The following SCRT2 variants were observed in gnomAD, a reference collection of about 807,000 sequenced individuals.
SCRT2 encodes the protein transcriptional repressor scratch 2.
In SCRT2, 2 loss-of-function variants were observed where a neutral mutation model predicts 3.7. The observed-to-expected ratio is 0.54, with a 90% CI of 0.22 to 1.70. SCRT2 has a LOEUF of 1.70. SCRT2 is among the 40% of genes most tolerant of loss of function. The probability of loss-of-function intolerance (pLI) is 0.19; values close to 1 mark genes in which losing one functional copy is unlikely to be tolerated. For missense variants in SCRT2, 456 were observed against 468.5 expected, an observed-to-expected ratio of 0.97 and a Z score of 0.25; for synonymous variants, 256 against 220.6, an observed-to-expected ratio of 1.16 and a Z score of -1.42.
rs778909173 is a variant in SCRT2 at position 663,866 on chromosome 20, C to G, written c.729G>C (p.Ala243=). The change falls in exon 2 of 2, where the codon GCG becomes GCC. Residue 243 remains alanine (A), a synonymous_variant. Coordinates refer to ENST00000246104, the MANE Select transcript of SCRT2 (RefSeq NM_033129.4). The surrounding 1 kb of genome is among the most constrained non-coding windows in gnomAD (Gnocchi z 6.9). ...SHTGEKPFGC[A]HCGKAFADRS... ...GGTCGGCGAAGGCCTTGCCGCAGTG[C>G]GCGCAGCCGAACGGCTTTTCGCCGG... The G allele has an allele frequency of 6.3e-7, 1 of 1,598,146 alleles. No individual in the cohort carries two copies. Among genetic ancestry groups the G allele is most frequent in the African/African-American group, 1.3e-5 (1 of 74,686 alleles).
At position 675,137 on chromosome 20, in the gene SCRT2, C is replaced by A. The variant is rs2122364615; in HGVS notation, c.133+332G>T. Among the ~76,000 whole-genome samples, 1 of 152,282 alleles carries A rather than the reference C, an allele frequency of 6.6e-6. No homozygotes were observed. Among genetic ancestry groups the A allele is most frequent in the South Asian group, 2.1e-4 (1 of 4,824 alleles). ...GAGGGAACCCTCAAAGTGCCTTGTG[C>A]CTCAGTGCCCAGCGCTGGCCTTTCA... is the stretch of plus-strand genomic sequence containing the variant. On this transcript the variant is annotated intron_variant, in intron 1 of 1. Coordinates refer to ENST00000246104, the MANE Select transcript of SCRT2 (RefSeq NM_033129.4). The surrounding 1 kb of genome is among the most constrained non-coding windows in gnomAD (Gnocchi z 6.9).
Position 675,759 on chromosome 20 carries a change from G to C in SCRT2, c.-158C>G, listed in dbSNP as rs986242810. ...TGGCGGCGGCCCCGGCTCGGGCTCGGGCTTGGCGGCGGCGGCGCGCAGACA... is the reference window on the plus strand; with the variant it reads ...TGGCGGCGGCCCCGGCTCGGGCTCGCGCTTGGCGGCGGCGGCGCGCAGACA... On this transcript the variant is annotated 5_prime_UTR_variant, in exon 1 of 2. Coordinates refer to ENST00000246104, the MANE Select transcript of SCRT2 (RefSeq NM_033129.4). This position sits in a 1 kb window ranked among gnomAD's most constrained non-coding sequence, Gnocchi z 6.9. 4 of 305,306 alleles carry C rather than the reference G, an allele frequency of 1.3e-5. No individual in the cohort carries two copies. The highest frequency in any genetic ancestry group is 9.0e-5 in the African/African-American group (4 of 44,394). The allele number at this position is 305,306 out of a possible 1,614,324, so 18.9% of individuals were successfully genotyped here. A position where few individuals can be genotyped will look rare whatever the true frequency, so the allele number is the denominator to read the frequency against.
At chr20:671,634 A>G (rs911426042) in intron 1 of SCRT2, among the ~76,000 whole-genome samples, 2 of 152,220 alleles carry the variant, frequency 1.3e-5, no homozygotes, top group South Asian at 2.1e-4. Context: ...ACCCGGCACC[A>G]TCAGAGGGAG....
At chr20:670,460 G>A (rs985816611) in intron 1 of SCRT2, among the ~76,000 whole-genome samples, 3 of 81,950 alleles carry the variant, frequency 3.7e-5, no homozygotes, top group African/African-American at 8.8e-5. Context: ...CAAGAGGCCC[G>A]AGGGACCCCA....
rs778624633 is a variant in SCRT2, at chr20:663,747, A to G, written c.848T>C (p.Leu283Pro). The G allele has an allele frequency of 1.9e-6, 3 of 1,570,542 alleles. No individual in the cohort carries two copies. Among genetic ancestry groups the G allele is most frequent in the Non-Finnish European group, 2.6e-6 (3 of 1,160,964 alleles). ...CDKSFALKSY[L>P]HKHCEAACAK... ...GCAGGCCGCCTCGCAGTGCTTGTGG[A>G]GGTAGGACTTGAGCGCGAAGCTCTT... The change falls in exon 2 of 2, where the codon CTC (leucine) becomes CCC (proline). Residue 283 changes from leucine (L) to proline (P), a missense_variant. By Grantham distance (98) the Leu-to-Pro change is moderately conservative. Transcript: ENST00000246104. This position sits in a 1 kb window ranked among gnomAD's most constrained non-coding sequence, Gnocchi z 6.9.
In SCRT2 at chr20:662,338, AG is replaced by A. The variant is rs907608540; in HGVS notation, c.*1332del. ...CTCTCTCCGGGCCGCCTGGAGTGGC[AG>A]GGGAAGGTTCAGGAAGGTGGGGACC... On this transcript the variant is annotated 3_prime_UTR_variant, in exon 2 of 2. Coordinates refer to ENST00000246104, the MANE Select transcript of SCRT2 (RefSeq NM_033129.4). 1 of 152,576 alleles carries A rather than the reference AG, an allele frequency of 6.6e-6. No homozygotes were observed. The highest frequency in any genetic ancestry group is 2.4e-5 in the African/African-American group (1 of 41,460). The allele number at this position is 152,576 out of a possible 1,614,324, so 9.5% of individuals were successfully genotyped here.
rs1312222285 is a variant in SCRT2 at position 662,045 on chromosome 20, AG to A, written c.*1625del. On this transcript the variant is annotated 3_prime_UTR_variant, in exon 2 of 2. Coordinates refer to ENST00000246104, the MANE Select transcript of SCRT2 (RefSeq NM_033129.4). Reference sequence around the variant, plus strand: ...GGGCAGAGGCGTGTGCTTAAAGCGGAGGGGGCCAGGGCCCGTGCGCGTGGAG... The same window carrying A: ...GGGCAGAGGCGTGTGCTTAAAGCGGAGGGGCCAGGGCCCGTGCGCGTGGAG... 1.3e-5 allele frequency: 2 copies of A among 152,758 alleles called. No homozygotes were observed. Among genetic ancestry groups the A allele is most frequent in the Admixed American group, 6.5e-5 (1 of 15,292 alleles). The allele number at this position is 152,758 out of a possible 1,614,324, so 9.5% of individuals were successfully genotyped here.
intron 1 of SCRT2, among the ~76,000 whole-genome samples, chr20:669,704 T>C (rs1412731102): frequency 6.6e-6 from 1 of 152,272 alleles, no homozygotes; most frequent in Non-Finnish European, 1.5e-5. Flanking sequence ...TCCAGCCAGC[T>C]GAGCAGAAAG....
At position 663,406 on chromosome 20, in the gene SCRT2, C is replaced by A; in HGVS notation, c.*265G>T. The A allele has an allele frequency of 2.7e-6, 1 of 366,206 alleles. No individual in the cohort carries two copies. The highest frequency in any genetic ancestry group is 4.3e-5 in the East Asian group (1 of 23,150). 22.7% of individuals were successfully genotyped at this position (366,206 alleles called of 1,614,324 possible). On this transcript the variant is annotated 3_prime_UTR_variant, in exon 2 of 2. Transcript: ENST00000246104. The surrounding 1 kb of genome is among the most constrained non-coding windows in gnomAD (Gnocchi z 6.9). ...GCGGACCTGGTGCCTGAGTTGGGAGCCTTGAAGGCGCGGACAGGGGGGTCA... is the reference window on the plus strand; with the variant it reads ...GCGGACCTGGTGCCTGAGTTGGGAGACTTGAAGGCGCGGACAGGGGGGTCA...
chr20:664,165 G>GC lies in SCRT2; in HGVS notation c.429dup (p.Arg144AlafsTer246). 1 of 1,079,468 alleles carries GC rather than the reference G, an allele frequency of 9.3e-7. No homozygotes were observed. The highest frequency in any genetic ancestry group is 1.1e-6 in the Non-Finnish European group (1 of 891,328). 66.9% of individuals were successfully genotyped at this position (1,079,468 alleles called of 1,614,324 possible). A position where few individuals can be genotyped will look rare whatever the true frequency, so the allele number is the denominator to read the frequency against. On this transcript the variant is annotated frameshift_variant, in exon 2 of 2. Coordinates refer to ENST00000246104, the MANE Select transcript of SCRT2 (RefSeq NM_033129.4). LOFTEE classifies it low-confidence loss of function (END_TRUNC). The surrounding 1 kb of genome is among the most constrained non-coding windows in gnomAD (Gnocchi z 7.9). Reference sequence around the variant, plus strand: ...CCGCCGCCCGCCTGCGCCCCCGCGCGCCCCGCGCGCCCCCCGGCGCCCCCC... The same window carrying GC: ...CCGCCGCCCGCCTGCGCCCCCGCGCGCCCCCGCGCGCCCCCCGGCGCCCCCC...
chr20:672,765 C>T (rs923376835), intron 1 of SCRT2, among the ~76,000 whole-genome samples: 3 of 136,394 alleles, frequency 2.2e-5, no homozygotes, highest in African/African-American at 8.0e-5. Context: ...CTTGCTTCTC[C>T]TCCCTCCCTC....
At chr20:674,399 TCACA>T (rs57092015) in intron 1 of SCRT2, among the ~76,000 whole-genome samples, 2,615 of 106,636 alleles carry the variant, frequency 0.025, 42 homozygotes, top group East Asian at 0.071. Flanking sequence ...TCTCTCTCTC[TCACA>T]CACACACACA....
rs1350107316 is a variant in SCRT2 at position 661,879 on chromosome 20, C to T, written c.*1792G>A. On this transcript the variant is annotated 3_prime_UTR_variant, in exon 2 of 2. Coordinates refer to ENST00000246104, the MANE Select transcript of SCRT2 (RefSeq NM_033129.4). ...CTGGGCCTGGAGCTGAGCAAAGGCC[C>T]ATTCACCCCTCTGGAGCCCTAGGGA... 6.5e-6 allele frequency: 1 copy of T among 152,720 alleles called. No individual in the cohort carries two copies. The highest frequency in any genetic ancestry group is 6.5e-5 in the Admixed American group (1 of 15,294). 9.5% of individuals were successfully genotyped at this position (152,720 alleles called of 1,614,324 possible). A position where few individuals can be genotyped will look rare whatever the true frequency, so the allele number is the denominator to read the frequency against.
In SCRT2 at chr20:665,400, G is replaced by A. The variant is rs1030658790; in HGVS notation, c.134-939C>T. Among the ~76,000 whole-genome samples the A allele has an allele frequency of 2.0e-5, 3 of 152,158 alleles. No individual in the cohort carries two copies. Among genetic ancestry groups the A allele is most frequent in the Admixed American group, 2.0e-4 (3 of 15,282 alleles). On this transcript the variant is annotated intron_variant, in intron 1 of 1. Transcript: ENST00000246104. The surrounding 1 kb of genome is among the most constrained non-coding windows in gnomAD (Gnocchi z 5.0). ...GCATGTAATAGGTGCTACAGAAAGGGGACTTCCTCGCACCTGCTCCCAAGC... is the reference window on the plus strand; with the variant it reads ...GCATGTAATAGGTGCTACAGAAAGGAGACTTCCTCGCACCTGCTCCCAAGC...
In SCRT2 at chr20:664,517, C is replaced by A; in HGVS notation, c.134-56G>T. On this transcript the variant is annotated intron_variant, in intron 1 of 1. Transcript: ENST00000246104. This position sits in a 1 kb window ranked among gnomAD's most constrained non-coding sequence, Gnocchi z 7.9. ...AGAGGAGGCGCCGAAGAGGGTTTCC[C>A]GCTTTGAGCGCGTCACCCTTTGCGC... 3.4e-6 allele frequency: 4 copies of A among 1,166,376 alleles called. No homozygotes were observed. Among genetic ancestry groups the A allele is most frequent in the Non-Finnish European group, 4.3e-6 (4 of 925,230 alleles). 72.3% of individuals were successfully genotyped at this position (1,166,376 alleles called of 1,614,324 possible).
rs541415881 is a variant in SCRT2 at position 666,911 on chromosome 20, G to A, written c.134-2450C>T. ...TGCCTTTGGGTGGGTTGTGCTTCAG[G>A]TCCTTTTTTTTTAAAATGGGATTTA... On this transcript the variant is annotated intron_variant, in intron 1 of 1. Coordinates refer to ENST00000246104, the MANE Select transcript of SCRT2 (RefSeq NM_033129.4). The surrounding 1 kb of genome is among the most constrained non-coding windows in gnomAD (Gnocchi z 4.4). Among the ~76,000 whole-genome samples, 5 of 152,256 alleles carry A rather than the reference G, an allele frequency of 3.3e-5. No homozygotes were observed. In the South Asian group the frequency reaches 8.3e-4, roughly 25 times the overall value.
At position 665,599 on chromosome 20, in the gene SCRT2, C is replaced by A. The variant is rs1984131949; in HGVS notation, c.134-1138G>T. Among the ~76,000 whole-genome samples, 1 of 152,182 alleles carries A rather than the reference C, an allele frequency of 6.6e-6. No homozygotes were observed. Among genetic ancestry groups the A allele is most frequent in the Admixed American group, 6.5e-5 (1 of 15,284 alleles). On this transcript the variant is annotated intron_variant, in intron 1 of 1. Coordinates refer to ENST00000246104, the MANE Select transcript of SCRT2 (RefSeq NM_033129.4). This position sits in a 1 kb window ranked among gnomAD's most constrained non-coding sequence, Gnocchi z 5.0. ...GGGATTCTCATGGGCAGGGGCCATTCTGATTTGCCTCTGCCTCCCATGGCC... is the reference window on the plus strand; with the variant it reads ...GGGATTCTCATGGGCAGGGGCCATTATGATTTGCCTCTGCCTCCCATGGCC...
intron 1 of SCRT2, among the ~76,000 whole-genome samples, chr20:674,399 TCACACACACACA>T (rs57092015): frequency 0.22 from 23,327 of 106,564 alleles, 2,745 homozygotes; most frequent in Non-Finnish European, 0.26. Flanking sequence ...TCTCTCTCTC[TCACACACACACA>T]CACACACACA....
chr20:674,325 T>G (rs1177599849), intron 1 of SCRT2, among the ~76,000 whole-genome samples: 1 of 149,746 alleles, frequency 6.7e-6, no homozygotes, highest in African/African-American at 2.5e-5. Flanking sequence ...CTCAGTCCTT[T>G]CTTTTCTCCT....
Sources: gnomAD v4.1 joint callset for allele counts (sites outside exome capture counted in the v4.1 genomes callset) on GRCh38, gnomAD v4.1.1 for gene constraint, Gnocchi (gnomAD v3.1) non-coding constraint, MANE v1.5 for transcripts, NCBI Gene and HGNC (gene_info 2026-07-23, HGNC 2026-07-21) for gene names.